PTPN13: variants seen among roughly 807,000 people sequenced by gnomAD.
PTPN13 encodes tyrosine-protein phosphatase non-receptor type 13.
A neutral mutation model predicts 284.0 loss-of-function variants in PTPN13; 191 were observed. The observed-to-expected ratio is 0.67, with a 90% confidence interval of 0.60 to 0.76. The LOEUF (loss-of-function observed/expected upper bound fraction) is 0.76. Among genes scored for constraint, PTPN13 ranks in the 30% least tolerant of loss-of-function variants. The pLI is 0.00. For missense variants in PTPN13, 2,797 were observed against 2,939.9 expected (o/e 0.95, Z 1.12); for synonymous variants, 986 against 1,022.3 (o/e 0.96, Z 0.68).
chr4:86,749,052 C>G (rs1282999885), intron 17 of PTPN13, among the ~76,000 whole-genome samples: 1 of 152,272 alleles, frequency 6.6e-6, no homozygotes, highest in East Asian at 1.9e-4. Flanking sequence ...AGAGAGAGAT[C>G]ATTGAATTTT....
intron 1 of PTPN13, among the ~76,000 whole-genome samples, chr4:86,629,948 A>G (rs1015082284): frequency 1.3e-5 from 2 of 151,984 alleles, no homozygotes; most frequent in African/African-American, 2.4e-5. Flanking sequence ...ATTATTATAT[A>G]TAGAGACGAG....
intron 17 of PTPN13, among the ~76,000 whole-genome samples, chr4:86,748,876 C>T (rs755243529): frequency 6.6e-6 from 1 of 152,052 alleles, no homozygotes; most frequent in African/African-American, 2.4e-5. Context: ...AGGATGATCT[C>T]GATCTCCTGA....
rs1357066943 is a variant in PTPN13 at position 86,796,949 on chromosome 4, A to C, written c.6401+20A>C. The C allele has an allele frequency of 1.0e-5, 14 of 1,362,714 alleles. No individual in the cohort carries two copies. The highest frequency in any genetic ancestry group is 1.3e-5 in the Non-Finnish European group (13 of 974,546). 84.4% of individuals were successfully genotyped at this position (1,362,714 alleles called of 1,614,324 possible). ...TGAAAGGTGAGAAAATAATTTTCAAAGTATCCATAATGCTTCTGTCTATCT... is the reference window on the plus strand; with the variant it reads ...TGAAAGGTGAGAAAATAATTTTCAACGTATCCATAATGCTTCTGTCTATCT... On this transcript the variant is annotated intron_variant, in intron 41 of 47. Transcript: ENST00000411767.
At chr4:86,704,373 C>G (rs1731493199) in intron 7 of PTPN13, among the ~76,000 whole-genome samples, 1 of 151,940 alleles carries the variant, frequency 6.6e-6, no homozygotes, top group South Asian at 2.1e-4. Flanking sequence ...CGTATTTAAT[C>G]TGTTAAATTA....
rs1314930045 is a variant in PTPN13 at position 86,774,378 on chromosome 4, A to G, written c.5355A>G (p.Val1785=). 1 of 1,604,714 alleles carries G rather than the reference A, an allele frequency of 6.2e-7. No individual in the cohort carries two copies. The highest frequency in any genetic ancestry group is 1.3e-5 in the African/African-American group (1 of 74,854). Residue 1785 remains valine, a synonymous_variant, in exon 33 of 48, where the codon GTA becomes GTG. Transcript: ENST00000411767. The part of the protein sequence containing the change: ...ENHLEDFELE[V]ELLITLIKSE... ...TTACTGCTTTTTTCCCTTAGGAAGT[A>G]GAACTCCTCATTACCCTAATTAAAT...
rs552565498 is a variant in PTPN13 at position 86,700,679 on chromosome 4, T to A, written c.635-562T>A. ...ATTATTTGGATTTCAAACACAAAGT[T>A]TTCTGAAAACATGTCTAATTATAAT... is the stretch of plus-strand genomic sequence containing the variant. On this transcript the variant is annotated intron_variant, in intron 6 of 47. Transcript: ENST00000411767. Among the ~76,000 whole-genome samples, 4 of 152,282 alleles carry A rather than the reference T, an allele frequency of 2.6e-5. No individual in the cohort carries two copies. The South Asian group carries it at 8.3e-4, about 32-fold the overall frequency.
At chr4:86,648,502 G>C (rs554551642) in intron 2 of PTPN13, among the ~76,000 whole-genome samples, 1 of 152,138 alleles carries the variant, frequency 6.6e-6, no homozygotes, top group East Asian at 1.9e-4. Flanking sequence ...TACCTGGCTT[G>C]TTTCACTTAA....
At chr4:86,740,436 C>T (rs1736043602) in intron 15 of PTPN13, among the ~76,000 whole-genome samples, 1 of 152,182 alleles carries the variant, frequency 6.6e-6, no homozygotes, top group Admixed American at 6.5e-5. Context: ...TGAGCTGTAC[C>T]TTGGCCCCTT....
At chr4:86,778,792 T>G (rs1740940014) in intron 35 of PTPN13, among the ~76,000 whole-genome samples, 1 of 152,130 alleles carries the variant, frequency 6.6e-6, no homozygotes, top group Admixed American at 6.5e-5. Context: ...TTTACAGATT[T>G]TTTTAACGAG....
At chr4:86,763,810 G>T (rs1425603990) in intron 24 of PTPN13, among the ~76,000 whole-genome samples, 1 of 152,074 alleles carries the variant, frequency 6.6e-6, no homozygotes, top group East Asian at 1.9e-4. Flanking sequence ...TCCTTGGGAG[G>T]CTGGGTGGGA....
chr4:86,595,767 C>A (rs1763637729), intron 1 of PTPN13: 1 of 985,384 alleles, frequency 1.0e-6, no homozygotes, highest in Non-Finnish European at 1.2e-6. Context: ...GACACCTGAT[C>A]TGTGGGATGA....
chr4:86,665,809 T>C (rs756854496), intron 2 of PTPN13, among the ~76,000 whole-genome samples: 1 of 152,206 alleles, frequency 6.6e-6, no homozygotes, highest in African/African-American at 2.4e-5. Flanking sequence ...TCATGGATGA[T>C]ATGCTCTTTG....
chr4:86,643,428 T>C (rs577391014), intron 2 of PTPN13, among the ~76,000 whole-genome samples: 10 of 152,236 alleles, frequency 6.6e-5, no homozygotes, highest in South Asian at 4.1e-4. Flanking sequence ...AAATGACAAA[T>C]TACTATAGAA....
intron 2 of PTPN13, among the ~76,000 whole-genome samples, chr4:86,652,612 A>G (rs928391959): frequency 6.6e-6 from 1 of 152,180 alleles, no homozygotes. Context: ...GGTGTCCAGT[A>G]GGAATTCTGC....
chr4:86,731,181 C>T (rs1734911213), intron 10 of PTPN13, among the ~76,000 whole-genome samples: 1 of 152,122 alleles, frequency 6.6e-6, no homozygotes, highest in African/African-American at 2.4e-5. Context: ...AAGCACACAC[C>T]TACACATACA....
chr4:86,598,471 T>C (rs1298172084), intron 1 of PTPN13, among the ~76,000 whole-genome samples: 3 of 152,256 alleles, frequency 2.0e-5, no homozygotes, highest in Middle Eastern at 6.8e-3. Context: ...GAGGATGAAA[T>C]TAATATGTGC....
intron 2 of PTPN13, among the ~76,000 whole-genome samples, chr4:86,639,128 T>A (rs993883704): frequency 1.1e-4 from 17 of 151,768 alleles, no homozygotes; most frequent in Non-Finnish European, 2.4e-4. Flanking sequence ...CACAATGAGA[T>A]ACCATCTCAC....
At chr4:86,761,139 A>AATATGTATATATATAT (rs1738623733) in intron 23 of PTPN13, among the ~76,000 whole-genome samples, 1 of 120,694 alleles carries the variant, frequency 8.3e-6, no homozygotes, top group Admixed American at 8.7e-5. Context: ...TGTGTGTGTA[A>AATATGTATATATATAT]ATATATATAT....
intron 2 of PTPN13, among the ~76,000 whole-genome samples, chr4:86,638,349 A>G (rs1264712032): frequency 6.6e-6 from 1 of 152,204 alleles, no homozygotes; most frequent in African/African-American, 2.4e-5. Flanking sequence ...ATATGGAACC[A>G]AAAAAGAGCC....
Sources: allele counts gnomAD v4.1 joint callset (sites outside exome capture counted in the v4.1 genomes callset), GRCh38; gene constraint gnomAD v4.1.1; transcripts MANE v1.5; gene names NCBI Gene and HGNC (gene_info 2026-07-23, HGNC 2026-07-21).